BTD: variants seen among roughly 807,000 people sequenced by gnomAD.
BTD encodes the protein biotinidase.
In BTD, 13 loss-of-function variants were observed where a neutral mutation model predicts 17.7. That is an observed-to-expected ratio of 0.74 (90% CI 0.48 to 1.17). The LOEUF (loss-of-function observed/expected upper bound fraction) is 1.17, where lower values mean the gene tolerates loss of function less well. Ranked by LOEUF, BTD falls within the 50% of genes most tolerant of loss-of-function variation. The pLI, the probability that BTD is intolerant of heterozygous loss-of-function variation, is 0.00. For synonymous variants in BTD, 240 were observed against 245.2 expected (o/e 0.98, Z 0.20); for missense variants, 674 against 650.4 (o/e 1.04, Z -0.39).
intron 3 of BTD, among the ~76,000 whole-genome samples, chr3:15,661,027 AG>A (rs2065916317): frequency 6.6e-6 from 1 of 152,114 alleles, no homozygotes; most frequent in South Asian, 2.1e-4. Flanking sequence ...GCACTTTGGG[AG>A]GCCAAGGAGG....
downstream of BTD, among the ~76,000 whole-genome samples, chr3:15,715,618 T>C (rs2126109571): frequency 6.6e-6 from 1 of 152,300 alleles, no homozygotes; most frequent in South Asian, 2.1e-4. Context: ...GCACAGGCTC[T>C]GGAGTCAGAA....
chr3:15,667,150 A>C (rs939001040), intron 3 of BTD: 5 of 152,178 alleles, frequency 3.3e-5, no homozygotes, highest in African/African-American at 1.2e-4. Flanking sequence ...TCATTTTTTT[A>C]TTAGAAAAGG....
At chr3:15,669,028 C>G (rs892682749) in intron 3 of BTD, 8 of 152,508 alleles carry the variant, frequency 5.2e-5, no homozygotes, top group African/African-American at 1.7e-4. Context: ...CTCTCTTTTG[C>G]TATTTGAAAG....
chr3:15,642,166 C>T, intron 3 of BTD, 109 bp downstream of exon 3: 2 of 1,539,210 alleles, frequency 1.3e-6, no homozygotes, highest in Non-Finnish European at 1.7e-6. Context: ...CCTTAACATC[C>T]CCAAAATCCA....
At chr3:15,620,640 C>T (rs576338865) in intron 1 of BTD, among the ~76,000 whole-genome samples, 9 of 152,180 alleles carry the variant, frequency 5.9e-5, no homozygotes, top group East Asian at 1.9e-4. Context: ...CTTCAGCCTA[C>T]GAAGATAACA....
intron 1 of BTD, among the ~76,000 whole-genome samples, chr3:15,625,815 A>G (rs1487961703): frequency 6.6e-6 from 1 of 152,172 alleles, no homozygotes; most frequent in Non-Finnish European, 1.5e-5. Flanking sequence ...TCGGCCTCCC[A>G]AAGTGCTGGG....
In BTD at chr3:15,661,444, CT is replaced by C. The variant is rs201511073; in HGVS notation, c.399+19388del. ...ATTTTTTCATATGCTTATTTGCCAC[CT>C]GTATCTTCTTTGGTGAGATGCCTGT... On this transcript the variant is annotated intron_variant, in intron 3 of 3. Transcript: ENST00000672141. 1.5e-3 allele frequency among the ~76,000 whole-genome samples: 232 copies of C among 152,262 alleles called. 2 individuals are homozygous for C. The highest frequency in any genetic ancestry group is 5.3e-3 in the African/African-American group (221 of 41,546).
chr3:15,617,428 C>G (rs748421731), intron 1 of BTD, among the ~76,000 whole-genome samples: 1 of 151,878 alleles, frequency 6.6e-6, no homozygotes, highest in Non-Finnish European at 1.5e-5. Flanking sequence ...GATCTATGAT[C>G]TGTTTTGAGT....
chr3:15,686,961 T>G (rs931301683), intron 3 of BTD, among the ~76,000 whole-genome samples: 4 of 151,712 alleles, frequency 2.6e-5, no homozygotes, highest in Non-Finnish European at 5.9e-5. Flanking sequence ...TTTTTTTTTT[T>G]GAGACAGAAT....
At chr3:15,677,070 A>G (rs756243817) in intron 3 of BTD, 1 of 1,607,790 alleles carries the variant, frequency 6.2e-7, no homozygotes, top group East Asian at 2.2e-5. Flanking sequence ...TAATTGTGGC[A>G]GATAAGTTAT....
chr3:15,602,021 C>T (rs2125313918), intron 1 of BTD, 127 bp downstream of exon 1: 2 of 1,503,422 alleles, frequency 1.3e-6, no homozygotes, highest in South Asian at 1.3e-5. Context: ...GGAAGCCCGG[C>T]GCGCGTCGTT....
chr3:15,644,733 G>C lies in BTD; in HGVS notation c.817G>C (p.Gly273Arg), dbSNP rs762757117. ...TCAGAAAGCTTTTGCTGTTGCCTTT[G>C]GCATCAACGTTCTGGCAGCTAATGT... ...EIQKAFAVAF[G>R]INVLAANVHH... The change falls in exon 4 of 4, where the codon GGC becomes CGC. Residue 273 changes from glycine (G) to arginine (R), a missense_variant. Gly to Arg is a moderately radical substitution (Grantham distance 125, BLOSUM62 -2). Transcript: ENST00000643237. 2.0e-5 allele frequency: 32 copies of C among 1,614,040 alleles called. No homozygotes were observed. The highest frequency in any genetic ancestry group is 2.7e-5 in the Non-Finnish European group (32 of 1,180,046).
chr3:15,706,868 G>A (rs796512460), intron 3 of BTD, among the ~76,000 whole-genome samples: 19 of 152,106 alleles, frequency 1.2e-4, no homozygotes, highest in African/African-American at 4.6e-4. Context: ...TCATGTGTCT[G>A]TTGGCTGCAT....
chr3:15,692,010 C>T (rs1202808962), intron 3 of BTD, among the ~76,000 whole-genome samples: 1 of 150,706 alleles, frequency 6.6e-6, no homozygotes, highest in Non-Finnish European at 1.5e-5. Context: ...CCTGGTGGCA[C>T]ATGCCTGTGG....
intron 3 of BTD, among the ~76,000 whole-genome samples, chr3:15,699,745 G>C (rs905013859): frequency 2.0e-5 from 3 of 152,238 alleles, no homozygotes; most frequent in Admixed American, 1.3e-4. Flanking sequence ...ACAGATGCTG[G>C]AGAGGATGTG....
intron 2 of BTD, among the ~76,000 whole-genome samples, chr3:15,640,853 T>TCC (rs199508067): frequency 3.7e-5 from 4 of 107,576 alleles, no homozygotes; most frequent in African/African-American, 2.4e-4. Flanking sequence ...GATTGTTTTT[T>TCC]CCCGTTTTCC....
chr3:15,720,978 T>C (rs2073665239), intron 4 of BTD: 2 of 1,613,828 alleles, frequency 1.2e-6, no homozygotes, highest in Non-Finnish European at 1.7e-6. Context: ...CATGTGTTGA[T>C]GCAGCAGCAA....
In BTD at chr3:15,645,660, A is replaced by C; in HGVS notation, c.*172A>C. 1.5e-6 allele frequency: 1 copy of C among 664,000 alleles called. No homozygotes were observed. The highest frequency in any genetic ancestry group is 2.5e-6 in the Non-Finnish European group (1 of 394,238). 41.1% of individuals were successfully genotyped at this position (664,000 alleles called of 1,614,324 possible). A position where few individuals can be genotyped will look rare whatever the true frequency, so the allele number is the denominator to read the frequency against. ...AAAAGTAGGAGAGGCAGATTCCCTCAGTGTCTTCCTCTTAAACCTCAATCA... is the reference window on the plus strand; with the variant it reads ...AAAAGTAGGAGAGGCAGATTCCCTCCGTGTCTTCCTCTTAAACCTCAATCA... On this transcript the variant is annotated 3_prime_UTR_variant, in exon 4 of 4. Coordinates refer to ENST00000643237, the MANE Select transcript of BTD (RefSeq NM_001370658.1).
At chr3:15,672,951 T>A (rs1207392235) in intron 3 of BTD, among the ~76,000 whole-genome samples, 1 of 152,218 alleles carries the variant, frequency 6.6e-6, no homozygotes, top group African/African-American at 2.4e-5. Flanking sequence ...AATTTTTGTA[T>A]TTTTAGTAGA....
Sources: gnomAD v4.1 joint callset for allele counts (sites outside exome capture counted in the v4.1 genomes callset) on GRCh38, gnomAD v4.1.1 for gene constraint, MANE v1.5 for transcripts, NCBI Gene and HGNC (gene_info 2026-07-23, HGNC 2026-07-21) for gene names.